Variants in DPYD observed in about 807,000 individuals in gnomAD.
The protein encoded by DPYD is dihydropyrimidine dehydrogenase.
DPYD carries 109 observed loss-of-function variants against 116.2 expected under a neutral mutation model. That is an observed-to-expected ratio of 0.94 (90% confidence interval 0.80 to 1.10). The LOEUF is 1.10. Among genes scored for constraint, DPYD ranks in the 50% least tolerant of loss-of-function variants. The pLI is 0.00. For synonymous variants in DPYD, 440 were observed against 432.0 expected, an observed-to-expected ratio of 1.02 and a Z score of -0.23; for missense variants, 1,302 against 1,254.5, an observed-to-expected ratio of 1.04 and a Z score of -0.57.
At chr1:97,419,603 C>G (rs1286939690) in intron 14 of DPYD, among the ~76,000 whole-genome samples, 1 of 152,208 alleles carries the variant, frequency 6.6e-6, no homozygotes, top group East Asian at 1.9e-4. Flanking sequence ...ACCCCACCCT[C>G]TGCCTCCAGG....
intron 3 of DPYD, among the ~76,000 whole-genome samples, chr1:97,743,734 G>C (rs1332614440): frequency 6.6e-6 from 1 of 152,090 alleles, no homozygotes; most frequent in African/African-American, 2.4e-5. Context: ...AGGGGAATAT[G>C]TCAACAATTA....
intron 20 of DPYD, among the ~76,000 whole-genome samples, chr1:97,137,710 G>A (rs776645328): frequency 2.6e-5 from 4 of 152,088 alleles, no homozygotes; most frequent in Non-Finnish European, 5.9e-5. Context: ...CTCAAGATGC[G>A]CTGCAAGCAG....
intron 3 of DPYD, among the ~76,000 whole-genome samples, chr1:97,802,497 A>G (rs1276129986): frequency 6.6e-6 from 1 of 151,870 alleles, no homozygotes; most frequent in African/African-American, 2.4e-5. Flanking sequence ...AGAAATATAT[A>G]AGGAACCACA....
At chr1:97,401,546 T>C (rs1454448672) in intron 14 of DPYD, among the ~76,000 whole-genome samples, 1 of 152,152 alleles carries the variant, frequency 6.6e-6, no homozygotes, top group Non-Finnish European at 1.5e-5. Flanking sequence ...ACTCCTGACC[T>C]CAGGTGATCT....
intron 18 of DPYD, among the ~76,000 whole-genome samples, chr1:97,258,066 A>T (rs1321151147): frequency 6.6e-6 from 1 of 152,110 alleles, no homozygotes; most frequent in African/African-American, 2.4e-5. Flanking sequence ...AAGGATACAG[A>T]TCTGGCTGGA....
chr1:97,807,892 G>A (rs1001474204), intron 3 of DPYD, among the ~76,000 whole-genome samples: 6 of 151,822 alleles, frequency 4.0e-5, no homozygotes, highest in South Asian at 2.1e-4. Flanking sequence ...ATCATTTATC[G>A]ATTGAAATGC....
chr1:97,838,602 T>G (rs1460762843), intron 2 of DPYD, among the ~76,000 whole-genome samples: 1 of 151,944 alleles, frequency 6.6e-6, no homozygotes, highest in Non-Finnish European at 1.5e-5. Context: ...TCCCAGCACT[T>G]TGGGAGGCCG....
At chr1:97,729,599 C>A (rs940452805) in intron 4 of DPYD, among the ~76,000 whole-genome samples, 1 of 151,866 alleles carries the variant, frequency 6.6e-6, no homozygotes, top group Non-Finnish European at 1.5e-5. Context: ...AAGAAAGAAG[C>A]AAAATGTATG....
rs1361339974 is a variant in DPYD, at chr1:97,595,115, T to A, written c.902A>T (p.Gln301Leu). 2 of 1,613,766 alleles carry A rather than the reference T, an allele frequency of 1.2e-6. No individual in the cohort carries two copies. The highest frequency in any genetic ancestry group is 2.2e-5 in the South Asian group (2 of 91,080). Residue 301 changes from glutamine to leucine, a missense_variant, in exon 9 of 23, where the codon CAG becomes CTG. Gln to Leu is a moderately radical substitution (Grantham distance 113). Coordinates refer to ENST00000370192, the MANE Select transcript of DPYD (RefSeq NM_000110.4). ...AAAGTCTTTGGATGTATAAAACCCC[T>A]GGTCCTGCGTCAGGCCTTGGAAGAT... is the stretch of plus-strand genomic sequence containing the variant. ...DAIFQGLTQD[Q>L]GFYTSKDFLP...
intron 19 of DPYD, 143 bp from the exon 20 acceptor site, chr1:97,193,391 G>A (rs996396985): frequency 1.2e-6 from 1 of 821,622 alleles, no homozygotes; most frequent in South Asian, 1.5e-5. Flanking sequence ...GTCTGGAGAT[G>A]GGGGTGGTGG....
At chr1:97,787,229 G>A (rs1469287688) in intron 3 of DPYD, among the ~76,000 whole-genome samples, 1 of 152,136 alleles carries the variant, frequency 6.6e-6, no homozygotes, top group East Asian at 1.9e-4. Context: ...CTTGATATTG[G>A]CAGTGAAAAT....
At chr1:97,100,536 A>G (rs1156580327) in intron 20 of DPYD, among the ~76,000 whole-genome samples, 3 of 151,988 alleles carry the variant, frequency 2.0e-5, no homozygotes, top group Non-Finnish European at 4.4e-5. Flanking sequence ...GAAAATCGGA[A>G]CCATTATTTT....
chr1:97,267,313 G>A (rs1664302965), intron 18 of DPYD, among the ~76,000 whole-genome samples: 1 of 152,076 alleles, frequency 6.6e-6, no homozygotes, highest in Non-Finnish European at 1.5e-5. Flanking sequence ...GTGTCTGTTG[G>A]CTGCATAAAT....
At chr1:97,101,050 G>A (rs752203687) in intron 20 of DPYD, among the ~76,000 whole-genome samples, 1 of 151,072 alleles carries the variant, frequency 6.6e-6, no homozygotes, top group Non-Finnish European at 1.5e-5. Flanking sequence ...TTGGTTAGAA[G>A]AATTAATGGA....
intron 11 of DPYD, among the ~76,000 whole-genome samples, chr1:97,562,839 C>A (rs556887240): frequency 9.2e-5 from 14 of 152,136 alleles, no homozygotes; most frequent in Middle Eastern, 6.8e-3. Context: ...CTGCCTCAGC[C>A]CCCCCGAGTA....
At chr1:97,854,152 T>C (rs1000896441) in intron 2 of DPYD, among the ~76,000 whole-genome samples, 2 of 152,190 alleles carry the variant, frequency 1.3e-5, no homozygotes, top group East Asian at 3.8e-4. Flanking sequence ...CTTTTTTTCT[T>C]GATTTTTCAA....
chr1:97,285,683 ATTTTT>A (rs113145453), intron 18 of DPYD, among the ~76,000 whole-genome samples: 16 of 138,504 alleles, frequency 1.2e-4, no homozygotes, highest in Non-Finnish European at 2.3e-4. Flanking sequence ...TGTTCCTTTA[ATTTTT>A]TTTTTTTTTT....
chr1:97,302,332 G>A (rs573616304), intron 18 of DPYD, among the ~76,000 whole-genome samples: 2 of 151,974 alleles, frequency 1.3e-5, no homozygotes, highest in African/African-American at 2.4e-5. Flanking sequence ...CTTTTATACT[G>A]TTCTCACTAT....
At chr1:97,155,610 T>C (rs1486801028) in intron 20 of DPYD, among the ~76,000 whole-genome samples, 1 of 152,200 alleles carries the variant, frequency 6.6e-6, no homozygotes, top group Admixed American at 6.6e-5. Context: ...CTTTCTAAAT[T>C]GTGTCTATTA....
Sources: allele counts gnomAD v4.1 joint callset (sites outside exome capture counted in the v4.1 genomes callset), GRCh38; gene constraint gnomAD v4.1.1; transcripts MANE v1.5; gene names NCBI Gene and HGNC (gene_info 2026-07-23, HGNC 2026-07-21).